Variants in LARP1B observed in about 807,000 individuals in gnomAD.
The protein encoded by LARP1B is la-related protein 1B.
In LARP1B, 76 loss-of-function variants were observed where a neutral mutation model predicts 114.2. That is an observed-to-expected ratio of 0.67 (90% CI 0.55 to 0.81). LARP1B has a LOEUF of 0.81. Among genes scored for constraint, LARP1B ranks in the 30% least tolerant of loss-of-function variants. LARP1B has a pLI of 0.00. For synonymous variants in LARP1B, 345 were observed against 348.0 expected (o/e 0.99, Z 0.10); for missense variants, 1,014 against 1,075.8 (o/e 0.94, Z 0.80).
chr4:128,109,966 C>A (rs1468075794), intron 9 of LARP1B, among the ~76,000 whole-genome samples: 1 of 152,082 alleles, frequency 6.6e-6, no homozygotes, highest in African/African-American at 2.4e-5. Flanking sequence ...TACAGTGGCG[C>A]AGTCTCGGCT....
At chr4:128,175,657 A>G (rs1745541952) in intron 12 of LARP1B, among the ~76,000 whole-genome samples, 1 of 152,016 alleles carries the variant, frequency 6.6e-6, no homozygotes, top group South Asian at 2.1e-4. Flanking sequence ...GCCCTAGGAC[A>G]CTCTAAATGT....
chr4:128,077,965 C>T lies in LARP1B; in HGVS notation c.217+3C>T. The stretch of plus-strand genomic sequence containing the variant: ...GTCAAGTAATCAACGTAAGAGAGGT[C>T]AGTTTGTCCATATCTTTATTTTGAT... On this transcript the variant is annotated splice_donor_region_variant and intron_variant, in intron 4 of 19. Transcript: ENST00000326639. 1 of 1,535,878 alleles carries T rather than the reference C, an allele frequency of 6.5e-7. No homozygotes were observed. Among genetic ancestry groups the T allele is most frequent in the Non-Finnish European group, 8.7e-7 (1 of 1,143,298 alleles).
At chr4:128,083,822 G>A (rs1330454219) in intron 5 of LARP1B, among the ~76,000 whole-genome samples, 19 of 149,786 alleles carry the variant, frequency 1.3e-4, no homozygotes, top group South Asian at 4.3e-4. Context: ...CCTCCCTCCC[G>A]GACGGGGCGG....
intron 11 of LARP1B, among the ~76,000 whole-genome samples, chr4:128,151,082 A>G (rs1340434375): frequency 6.6e-6 from 1 of 152,258 alleles, no homozygotes; most frequent in Non-Finnish European, 1.5e-5. Context: ...AGTTACATAC[A>G]TAATATGAGG....
At chr4:128,088,265 A>C (rs960969880) in intron 5 of LARP1B, among the ~76,000 whole-genome samples, 1 of 152,174 alleles carries the variant, frequency 6.6e-6, no homozygotes. Context: ...TGTTACTATT[A>C]CTTTTAAACT....
intron 1 of LARP1B, among the ~76,000 whole-genome samples, chr4:128,064,583 G>T (rs1179128279): frequency 2.0e-5 from 3 of 151,914 alleles, no homozygotes; most frequent in African/African-American, 7.3e-5. Flanking sequence ...CTTTTTTAAA[G>T]CCCAGTGGCA....
intron 11 of LARP1B, chr4:128,123,745 T>C: frequency 1.0e-6 from 1 of 968,860 alleles, no homozygotes; most frequent in Non-Finnish European, 1.2e-6. Flanking sequence ...ATATTTGTTC[T>C]GTGGGAAATG....
chr4:128,151,695 C>T (rs537756594), intron 11 of LARP1B, among the ~76,000 whole-genome samples: 124 of 152,022 alleles, frequency 8.2e-4, no homozygotes, highest in African/African-American at 2.7e-3. Context: ...CTCTGCCTCC[C>T]GAGTTCAAGT....
At position 128,155,639 on chromosome 4, in the gene LARP1B, G is replaced by A. The variant is rs1581097435; in HGVS notation, c.1525-6555G>A. ...CTACAACCCCAGCCAGGAGCCATCC[G>A]GGCCCTGGGGCCGCCTCCAGTGGTG... On this transcript the variant is annotated intron_variant, in intron 11 of 19. Transcript: ENST00000326639. 6.9e-6 allele frequency: 10 copies of A among 1,445,854 alleles called. No homozygotes were observed. The East Asian group carries it at 1.4e-4, about 20-fold the overall frequency. 89.6% of individuals were successfully genotyped at this position (1,445,854 alleles called of 1,614,324 possible).
rs529239829 is a variant in LARP1B, at chr4:128,119,211, C to T, written c.1162-2615C>T. On this transcript the variant is annotated intron_variant, in intron 10 of 19. Transcript: ENST00000326639. ...ATTGCACGTTCTTGGTAAGTGAAAA[C>T]GTCCTATGGACTTGGACACCTAGGC... is the stretch of plus-strand genomic sequence containing the variant. Among the ~76,000 whole-genome samples, 10 of 152,286 alleles carry T rather than the reference C, an allele frequency of 6.6e-5. 1 individual carries two copies. In the South Asian group the frequency reaches 1.2e-3, roughly 19 times the overall value.
In LARP1B at chr4:128,117,607, C is replaced by T. The variant is rs538261475; in HGVS notation, c.1161+2865C>T. On this transcript the variant is annotated intron_variant, in intron 10 of 19. Coordinates refer to ENST00000326639, the MANE Select transcript of LARP1B (RefSeq NM_018078.4). ...CCATGTTGGCCAGGCTGTTCTCGAA[C>T]TCCTGACCTCAGGTGATCCACCCGC... 3.9e-5 allele frequency among the ~76,000 whole-genome samples: 6 copies of T among 152,016 alleles called. 1 individual carries two copies. The South Asian group carries it at 1.2e-3, about 32-fold the overall frequency.
chr4:128,115,014 T>G (rs1450341958), intron 10 of LARP1B, among the ~76,000 whole-genome samples: 1 of 152,044 alleles, frequency 6.6e-6, no homozygotes, highest in Non-Finnish European at 1.5e-5. Context: ...CTTGGCTCAC[T>G]GCCACCTCTG....
At chr4:128,111,468 G>C (rs1256881228) in intron 9 of LARP1B, among the ~76,000 whole-genome samples, 2 of 152,066 alleles carry the variant, frequency 1.3e-5, no homozygotes, top group Non-Finnish European at 2.9e-5. Context: ...AGAGATTGAG[G>C]TGAGAGGATT....
At chr4:128,108,578 T>C (rs1335746311) in intron 9 of LARP1B, 1 of 985,478 alleles carries the variant, frequency 1.0e-6, no homozygotes, top group East Asian at 1.1e-4. Flanking sequence ...TTTGTCAGCC[T>C]TCTGCTTCTA....
chr4:128,210,709 T>TC lies in LARP1B; in HGVS notation c.*662dup, dbSNP rs1194534867. 5.1e-6 allele frequency: 5 copies of TC among 985,240 alleles called. No homozygotes were observed. In the East Asian group the frequency reaches 4.5e-4, roughly 89 times the overall value. The allele number at this position is 985,240 out of a possible 1,614,324, so 61.0% of individuals were successfully genotyped here. ...CTTTTGATGCTAGGTTTTGCTTTTC[T>TC]CCCCCCAGTCATATCTCATGATTTC... On this transcript the variant is annotated 3_prime_UTR_variant, in exon 20 of 20. Transcript: ENST00000326639.
At chr4:128,204,154 T>C (rs1361357601) in intron 17 of LARP1B, among the ~76,000 whole-genome samples, 1 of 152,198 alleles carries the variant, frequency 6.6e-6, no homozygotes, top group Middle Eastern at 3.2e-3. Context: ...AATCTAAGAA[T>C]TTCTATATTC....
At chr4:128,193,278 A>G (rs1035277486) in intron 15 of LARP1B, among the ~76,000 whole-genome samples, 4 of 152,188 alleles carry the variant, frequency 2.6e-5, no homozygotes, top group Non-Finnish European at 5.9e-5. Flanking sequence ...TAAATCCTTC[A>G]TATATATCTA....
chr4:128,207,762 T>A (rs1165792844), intron 19 of LARP1B, among the ~76,000 whole-genome samples: 1 of 152,228 alleles, frequency 6.6e-6, no homozygotes, highest in African/African-American at 2.4e-5. Flanking sequence ...TGATATGGAT[T>A]TAGGGTACCT....
chr4:128,100,967 G>A (rs560960178), intron 8 of LARP1B, among the ~76,000 whole-genome samples: 46 of 151,014 alleles, frequency 3.0e-4, no homozygotes, highest in East Asian at 1.4e-3. Flanking sequence ...ACAGGCGCCT[G>A]CCACCATGCC....
Sources: allele counts gnomAD v4.1 joint callset (sites outside exome capture counted in the v4.1 genomes callset), GRCh38; gene constraint gnomAD v4.1.1; transcripts MANE v1.5; gene names NCBI Gene and HGNC (gene_info 2026-07-23, HGNC 2026-07-21).